VAV3: variants seen among roughly 807,000 people sequenced by gnomAD.
VAV3 encodes the protein vav guanine nucleotide exchange factor 3, also known as guanine nucleotide exchange factor VAV3.
VAV3 carries 94 observed loss-of-function variants against 131.2 expected under a neutral mutation model. The ratio of observed to expected loss-of-function variants is 0.72; its 90% CI spans 0.61 to 0.85. VAV3 has a LOEUF of 0.85. Ranked by LOEUF, VAV3 falls within the 40% of genes least tolerant of loss-of-function variation. The pLI, the probability that VAV3 is intolerant of heterozygous loss-of-function variation, is 0.00. For synonymous variants in VAV3, 349 were observed against 342.0 expected, an observed-to-expected ratio of 1.02 and a Z score of -0.22; for missense variants, 939 against 1,002.7, an observed-to-expected ratio of 0.94 and a Z score of 0.86.
intron 2 of VAV3, among the ~76,000 whole-genome samples, chr1:107,851,119 C>T (rs1161291026): frequency 2.7e-5 from 4 of 149,450 alleles, no homozygotes. Context: ...TTGCAGTGAG[C>T]CGGGATAGCG....
At chr1:107,609,281 C>G (rs1270848452) in intron 22 of VAV3, 1 of 152,266 alleles carries the variant, frequency 6.6e-6, no homozygotes, top group East Asian at 1.9e-4. Context: ...TAATTACTAT[C>G]CATTACACTT....
At chr1:107,955,188 AACAGACAG>A (rs148780779) in intron 1 of VAV3, among the ~76,000 whole-genome samples, 2,733 of 152,298 alleles carry the variant, frequency 0.018, 30 homozygotes, top group Non-Finnish European at 0.027. Context: ...GAAGCTAAAG[AACAGACAG>A]ATAGACAGGT....
At chr1:107,803,546 T>A (rs1487195438) in intron 2 of VAV3, among the ~76,000 whole-genome samples, 1 of 152,126 alleles carries the variant, frequency 6.6e-6, no homozygotes, top group Non-Finnish European at 1.5e-5. Context: ...TTTCCATGTG[T>A]TTGTCTCATT....
chr1:107,955,350 T>C (rs1305217522), intron 1 of VAV3, among the ~76,000 whole-genome samples: 2 of 152,002 alleles, frequency 1.3e-5, no homozygotes, highest in Non-Finnish European at 2.9e-5. Context: ...TTTGAAAAGG[T>C]AGTAAAGAGT....
At chr1:107,749,376 C>T in intron 14 of VAV3, 86 bp downstream of exon 14, 1 of 1,382,880 alleles carries the variant, frequency 7.2e-7, no homozygotes, top group South Asian at 1.5e-5. Context: ...ATTGATAAGC[C>T]ATATCTCACA....
At chr1:107,630,758 C>G (rs969100550) in intron 20 of VAV3, among the ~76,000 whole-genome samples, 4 of 152,080 alleles carry the variant, frequency 2.6e-5, no homozygotes, top group African/African-American at 9.7e-5. Flanking sequence ...AGCAAATTAA[C>G]ATAAAAGGGG....
chr1:107,857,229 A>C (rs1442448421), intron 2 of VAV3, among the ~76,000 whole-genome samples: 1 of 152,076 alleles, frequency 6.6e-6, no homozygotes, highest in Non-Finnish European at 1.5e-5. Flanking sequence ...AAAACACGAA[A>C]AGGCTACACT....
At chr1:107,623,505 C>G (rs1288415584) in intron 20 of VAV3, among the ~76,000 whole-genome samples, 1 of 152,180 alleles carries the variant, frequency 6.6e-6, no homozygotes, top group Non-Finnish European at 1.5e-5. Flanking sequence ...AACATAGACT[C>G]TCATATCACT....
intron 1 of VAV3, among the ~76,000 whole-genome samples, chr1:107,947,691 T>A (rs1674335365): frequency 6.6e-6 from 1 of 152,232 alleles, no homozygotes; most frequent in African/African-American, 2.4e-5. Context: ...AAGTCCATAT[T>A]CTTTCAATAT....
At chr1:107,938,026 C>T (rs1462354359) in intron 1 of VAV3, among the ~76,000 whole-genome samples, 2 of 152,186 alleles carry the variant, frequency 1.3e-5, no homozygotes, top group Non-Finnish European at 2.9e-5. Context: ...ATAAAATGCA[C>T]TCTGTCACAC....
At chr1:107,586,444 G>C (rs548738793) in intron 25 of VAV3, among the ~76,000 whole-genome samples, 1 of 152,222 alleles carries the variant, frequency 6.6e-6, no homozygotes, top group South Asian at 2.1e-4. Flanking sequence ...GCTTGGATTC[G>C]ACTGAAATAT....
At chr1:107,845,944 A>G (rs1259951705) in intron 2 of VAV3, among the ~76,000 whole-genome samples, 2 of 152,168 alleles carry the variant, frequency 1.3e-5, no homozygotes, top group African/African-American at 2.4e-5. Context: ...CAGGAAATAC[A>G]GACAATACCA....
intron 19 of VAV3, among the ~76,000 whole-genome samples, chr1:107,654,303 A>G (rs1345989763): frequency 6.6e-6 from 1 of 152,078 alleles, no homozygotes; most frequent in Non-Finnish European, 1.5e-5. Flanking sequence ...GCTTTTATAG[A>G]CAACAGTAAA....
chr1:107,663,699 G>A (rs1238703919), intron 19 of VAV3, among the ~76,000 whole-genome samples: 5 of 152,016 alleles, frequency 3.3e-5, no homozygotes, highest in African/African-American at 4.8e-5. Context: ...CTTGACTTTC[G>A]GTACCAGCAA....
intron 19 of VAV3, among the ~76,000 whole-genome samples, chr1:107,654,316 C>A (rs1034690946): frequency 6.6e-6 from 1 of 151,904 alleles, no homozygotes; most frequent in African/African-American, 2.4e-5. Context: ...ACAGTAAATC[C>A]TTTAGATTAT....
At chr1:107,652,791 T>C (rs370529666) in intron 19 of VAV3, among the ~76,000 whole-genome samples, 15 of 152,266 alleles carry the variant, frequency 9.9e-5, no homozygotes, top group African/African-American at 3.4e-4. Context: ...TTATTTGTGC[T>C]TCTACCCAAC....
intron 1 of VAV3, among the ~76,000 whole-genome samples, chr1:107,920,905 C>G (rs1185677786): frequency 6.6e-6 from 1 of 152,120 alleles, no homozygotes; most frequent in African/African-American, 2.4e-5. Flanking sequence ...ATACTTTATT[C>G]TCTTCACATC....
At chr1:107,928,896 T>C (rs1402635841) in intron 1 of VAV3, among the ~76,000 whole-genome samples, 1 of 151,970 alleles carries the variant, frequency 6.6e-6, no homozygotes, top group Non-Finnish European at 1.5e-5. Context: ...TATCCAAGTA[T>C]AATAAGGTTC....
intron 2 of VAV3, among the ~76,000 whole-genome samples, chr1:107,845,606 C>T (rs756732433): frequency 9.9e-5 from 15 of 151,988 alleles, no homozygotes; most frequent in African/African-American, 1.7e-4. Context: ...AGAACATAAA[C>T]GACCTGATAA....
Sources: allele counts gnomAD v4.1 joint callset (sites outside exome capture counted in the v4.1 genomes callset), GRCh38; gene constraint gnomAD v4.1.1; transcripts MANE v1.5; gene names NCBI Gene and HGNC (gene_info 2026-07-23, HGNC 2026-07-21).